The following ZNF407 variants were observed in gnomAD, a reference collection of about 807,000 sequenced individuals.
The protein encoded by ZNF407 is zinc finger protein 407.
ZNF407 carries 17 observed loss-of-function variants against 131.2 expected under a neutral mutation model. That is an observed-to-expected ratio of 0.13 (90% confidence interval 0.09 to 0.19). The LOEUF is 0.19. Ranked by LOEUF, ZNF407 falls within the 10% of genes least tolerant of loss-of-function variation. The pLI, the probability that ZNF407 is intolerant of heterozygous loss-of-function variation, is 1.00. For missense variants in ZNF407, 2,681 were observed against 2,830.6 expected (o/e 0.95, Z 1.20); for synonymous variants, 1,156 against 1,062.0 (o/e 1.09, Z -1.72).
At chr18:74,787,409 A>C (rs1006808455) in intron 4 of ZNF407, among the ~76,000 whole-genome samples, 1 of 152,206 alleles carries the variant, frequency 6.6e-6, no homozygotes, top group Admixed American at 6.5e-5. Context: ...TATTACTAAC[A>C]ATAATATTTT....
chr18:74,831,227 A>G (rs961719203), intron 4 of ZNF407, among the ~76,000 whole-genome samples: 16 of 152,226 alleles, frequency 1.1e-4, no homozygotes, highest in Admixed American at 8.5e-4. Context: ...ACAGCATGGC[A>G]GTAAACATAG....
At chr18:74,805,339 T>C (rs1970093011) in intron 4 of ZNF407, among the ~76,000 whole-genome samples, 1 of 152,366 alleles carries the variant, frequency 6.6e-6, no homozygotes, top group South Asian at 2.1e-4. Context: ...ATTTCTCATA[T>C]ATTGCGGAAA....
chr18:75,013,323 G>C (rs1973005054), intron 8 of ZNF407, among the ~76,000 whole-genome samples: 1 of 152,108 alleles, frequency 6.6e-6, no homozygotes, highest in Admixed American at 6.6e-5. Context: ...AATTGTTGTA[G>C]ATCCGTATTT....
chr18:74,654,380 T>G (rs1355683145), intron 3 of ZNF407, among the ~76,000 whole-genome samples: 1 of 151,816 alleles, frequency 6.6e-6, no homozygotes, highest in Non-Finnish European at 1.5e-5. Context: ...TGGCCAGACT[T>G]TAAACAAATT....
At chr18:74,651,228 G>A (rs1340608292) in intron 3 of ZNF407, among the ~76,000 whole-genome samples, 1 of 152,086 alleles carries the variant, frequency 6.6e-6, no homozygotes, top group Admixed American at 6.6e-5. Flanking sequence ...GTTATGAAGA[G>A]CGATGGAATT....
At chr18:74,798,415 G>A (rs1268617169) in intron 4 of ZNF407, among the ~76,000 whole-genome samples, 1 of 152,002 alleles carries the variant, frequency 6.6e-6, no homozygotes, top group Non-Finnish European at 1.5e-5. Flanking sequence ...AATTTAAGTA[G>A]GAAGAACATA....
At chr18:74,700,944 T>G (rs1967478297) in intron 3 of ZNF407, among the ~76,000 whole-genome samples, 1 of 152,138 alleles carries the variant, frequency 6.6e-6, no homozygotes. Context: ...TAAGTTGAAT[T>G]CTTAATTACC....
chr18:74,896,527 A>G (rs1599227364), intron 7 of ZNF407, among the ~76,000 whole-genome samples: 1 of 152,216 alleles, frequency 6.6e-6, no homozygotes, highest in Non-Finnish European at 1.5e-5. Context: ...CTGTCTGTGC[A>G]GTGCTTGCTC....
chr18:74,606,619 T>C (rs1221467537), intron 1 of ZNF407, among the ~76,000 whole-genome samples: 1 of 152,190 alleles, frequency 6.6e-6, no homozygotes, highest in Non-Finnish European at 1.5e-5. Flanking sequence ...ATATTCTTTA[T>C]GTGACGACAC....
At position 74,869,911 on chromosome 18, in the gene ZNF407, T is replaced by C. The variant is rs74573091; in HGVS notation, c.4878-7286T>C. ...AAGATACTATTGTGCTGGTGAGTAT[T>C]GGATGCATAGTGTGTGGTATATTGG... On this transcript the variant is annotated intron_variant, in intron 4 of 8. Transcript: ENST00000299687. Among the ~76,000 whole-genome samples the C allele has an allele frequency of 3.1e-3, 475 of 152,336 alleles. 3 individuals carry two copies. Among genetic ancestry groups the C allele is most frequent in the African/African-American group, 0.011 (467 of 41,578 alleles).
chr18:74,678,581 C>T (rs1966907664), intron 3 of ZNF407, among the ~76,000 whole-genome samples: 1 of 152,096 alleles, frequency 6.6e-6, no homozygotes, highest in Non-Finnish European at 1.5e-5. Context: ...TTTGATTTTG[C>T]CCAGATCCTG....
Position 74,635,050 on chromosome 18 carries a change from A to G in ZNF407, c.4031A>G (p.Asp1344Gly), listed in dbSNP as rs200792398. 83 of 1,613,996 alleles carry G rather than the reference A, an allele frequency of 5.1e-5. No individual in the cohort carries two copies. The African/African-American group carries it at 8.8e-4, about 17-fold the overall frequency. Residue 1344 changes from aspartate to glycine, a missense_variant, in exon 2 of 9, where the codon GAT becomes GGT. Physicochemically the swap from Asp to Gly is moderately conservative, Grantham distance 94 (BLOSUM62 -1). Transcript: ENST00000299687. The surrounding 1 kb of genome is among the most constrained non-coding windows in gnomAD (Gnocchi z 4.7). ...GTCTATGAAACTATAATTAGTATTG[A>G]TGATAAAGGGCAGGCCATGTACAGT... The part of the protein sequence containing the change: ...SDVYETIISI[D>G]DKGQAMYSFG...
chr18:74,633,411 G>A lies in ZNF407; in HGVS notation c.2392G>A (p.Glu798Lys). 1.9e-6 allele frequency: 3 copies of A among 1,613,974 alleles called. No homozygotes were observed. Among genetic ancestry groups the A allele is most frequent in the Non-Finnish European group, 2.5e-6 (3 of 1,179,898 alleles). Residue 798 changes from glutamate (E) to lysine (K), a missense_variant, in exon 2 of 9, where the codon GAA becomes AAA. Coordinates refer to ENST00000299687, the MANE Select transcript of ZNF407 (RefSeq NM_017757.3). ...TGATGTTTCCGGAAATGGAAGGATT[G>A]AAGGCCATATAGGTGTGCAATTACA... The part of the protein sequence containing the change: ...EFDVSGNGRI[E>K]GHIGVQLQEH...
At chr18:74,804,405 A>G in intron 4 of ZNF407, 1 of 1,008,736 alleles carries the variant, frequency 9.9e-7, no homozygotes, top group Non-Finnish European at 1.2e-6. Context: ...CATATTCAGT[A>G]AGGAACATAT....
intron 3 of ZNF407, among the ~76,000 whole-genome samples, chr18:74,737,638 G>A (rs932270101): frequency 1.3e-5 from 2 of 151,954 alleles, no homozygotes; most frequent in Non-Finnish European, 2.9e-5. Context: ...ACACCCTTAC[G>A]TTTAGGTATG....
intron 8 of ZNF407, among the ~76,000 whole-genome samples, chr18:74,946,750 A>G (rs1343679234): frequency 6.6e-6 from 1 of 152,246 alleles, no homozygotes; most frequent in Non-Finnish European, 1.5e-5. Context: ...CAGATAAAAC[A>G]GATTTTTTAA....
rs975886316 is a variant in ZNF407, at chr18:75,064,451, G to A, written c.6730G>A (p.Glu2244Lys). The change falls in exon 9 of 9, where the codon GAA becomes AAA. Residue 2244 changes from glutamate to lysine, a missense_variant. Coordinates refer to ENST00000299687, the MANE Select transcript of ZNF407 (RefSeq NM_017757.3). ...AATTCAGAGCCAAAGAGAAAGCAGC[G>A]AACTCCAGGAAGCATGAGACGCGCG... Reference protein sequence around the residue: ...AAIQSQRESSELQEA With the variant: ...AAIQSQRESSKLQEA 2.5e-5 allele frequency: 38 copies of A among 1,493,194 alleles called. No homozygotes were observed. The highest frequency in any genetic ancestry group is 6.6e-5 in the South Asian group (5 of 75,380). 92.5% of individuals were successfully genotyped at this position (1,493,194 alleles called of 1,614,324 possible). A position where few individuals can be genotyped will look rare whatever the true frequency, so the allele number is the denominator to read the frequency against.
At chr18:74,820,286 C>T (rs1970323005) in intron 4 of ZNF407, among the ~76,000 whole-genome samples, 1 of 152,144 alleles carries the variant, frequency 6.6e-6, no homozygotes, top group Admixed American at 6.5e-5. Context: ...AGGCAACTGC[C>T]CAGGGATCCA....
chr18:74,632,707 A>T lies in ZNF407; in HGVS notation c.1688A>T (p.Asp563Val). The change falls in exon 2 of 9, where the codon GAC (aspartate) becomes GTC (valine). Residue 563 changes from aspartate to valine, a missense_variant. Transcript: ENST00000299687. ...REMKFYCRTC[D>V]FSSMSRRDLD... ...ATGAAATTTTACTGCCGTACTTGTG[A>T]CTTCTCTAGTATGTCAAGAAGGGAC... The T allele has an allele frequency of 6.2e-7, 1 of 1,614,020 alleles. No individual in the cohort carries two copies. Among genetic ancestry groups the T allele is most frequent in the Non-Finnish European group, 8.5e-7 (1 of 1,179,902 alleles).
Sources: gnomAD v4.1 joint callset for allele counts (sites outside exome capture counted in the v4.1 genomes callset) on GRCh38, gnomAD v4.1.1 for gene constraint, Gnocchi (gnomAD v3.1) non-coding constraint, MANE v1.5 for transcripts, NCBI Gene and HGNC (gene_info 2026-07-23, HGNC 2026-07-21) for gene names.